Variants in GATB observed in about 807,000 individuals in gnomAD.
The protein encoded by GATB is glutamyl-tRNA(Gln) amidotransferase subunit B, mitochondrial.
Under a neutral mutation model 62.3 loss-of-function variants are expected in GATB, and 39 were observed. The observed-to-expected ratio is 0.63, with a 90% CI of 0.48 to 0.82. The LOEUF (loss-of-function observed/expected upper bound fraction) is 0.82, where lower values mean the gene tolerates loss of function less well. GATB is among the 40% of genes least tolerant of loss of function. The probability of loss-of-function intolerance (pLI) is 0.00; values close to 1 mark genes in which losing one functional copy is unlikely to be tolerated. For missense variants in GATB, 670 were observed against 684.0 expected, an observed-to-expected ratio of 0.98 and a Z score of 0.23; for synonymous variants, 276 against 258.9, an observed-to-expected ratio of 1.07 and a Z score of -0.63.
chr4:151,695,377 G>A (rs1373786401), intron 9 of GATB, among the ~76,000 whole-genome samples: 1 of 152,162 alleles, frequency 6.6e-6, no homozygotes, highest in South Asian at 2.1e-4. Context: ...CAAAGTGTCA[G>A]AGGTCAGATG....
chr4:151,705,149 C>T (rs376597368), intron 7 of GATB, 36 bp downstream of exon 7: 17 of 1,480,778 alleles, frequency 1.1e-5, no homozygotes, highest in East Asian at 6.8e-5. Flanking sequence ...GCACCACCCC[C>T]GGCTGTGGTC....
chr4:151,689,524 G>A (rs1459474049), intron 9 of GATB, among the ~76,000 whole-genome samples: 1 of 152,138 alleles, frequency 6.6e-6, no homozygotes, highest in Non-Finnish European at 1.5e-5. Context: ...TGAACTGTCA[G>A]CCCCACGAGT....
chr4:151,696,231 G>A (rs1738467767), intron 9 of GATB, among the ~76,000 whole-genome samples: 1 of 152,090 alleles, frequency 6.6e-6, no homozygotes, highest in Admixed American at 6.5e-5. Context: ...TTTCATTGGC[G>A]TTGACTGATT....
At chr4:151,727,504 A>T (rs1280087095) in intron 2 of GATB, among the ~76,000 whole-genome samples, 1 of 152,218 alleles carries the variant, frequency 6.6e-6, no homozygotes, top group Non-Finnish European at 1.5e-5. Context: ...GTAAAAGACA[A>T]GACTGGGTGT....
chr4:151,699,344 G>A lies in GATB; in HGVS notation c.1197+1985C>T, dbSNP rs150385481. ...GCAGAGGTTGCAGTGAGCTGAGATC[G>A]TGCCACTGCACTCCAGCCTGGGCGA... On this transcript the variant is annotated intron_variant, in intron 9 of 12. Coordinates refer to ENST00000263985, the MANE Select transcript of GATB (RefSeq NM_004564.3). Among the ~76,000 whole-genome samples the A allele has an allele frequency of 4.3e-3, 652 of 150,086 alleles. 13 individuals carry two copies. The East Asian group carries it at 0.077, about 18-fold the overall frequency.
At position 151,760,955 on chromosome 4, in the gene GATB, A is replaced by G. The variant is rs940439542; in HGVS notation, c.28T>C (p.Cys10Arg). Residue 10 changes from cysteine to arginine, a missense_variant, in exon 1 of 13, where the codon TGC (cysteine) becomes CGC (arginine). Transcript: ENST00000263985. Reference protein sequence around the residue: MAAPMLRWGCRGRRWAFARV... With the variant: MAAPMLRWGRRGRRWAFARV... The stretch of plus-strand genomic sequence containing the variant: ...GCGAAAGCCCAACGTCTTCCACGGC[A>G]GCCCCAGCGCAGCATGGGCGCCGCC... 2.2e-5 allele frequency: 36 copies of G among 1,613,010 alleles called. 1 individual carries two copies. In the African/African-American group the frequency reaches 2.3e-4, roughly 10 times the overall value.
intron 8 of GATB, 133 bp downstream of exon 8, chr4:151,703,718 C>A: frequency 2.7e-6 from 2 of 730,134 alleles, no homozygotes; most frequent in South Asian, 3.0e-5. Context: ...GTCTAGATGT[C>A]CCATCATGTT....
chr4:151,673,198 G>C, intron 11 of GATB: 1 of 232,162 alleles, frequency 4.3e-6, no homozygotes, highest in Non-Finnish European at 8.4e-6. Context: ...ACTCGGGCCA[G>C]CCAGATGCCC....
At chr4:151,709,701 T>A (rs1738780696) in intron 5 of GATB, among the ~76,000 whole-genome samples, 2 of 152,196 alleles carry the variant, frequency 1.3e-5, no homozygotes. Flanking sequence ...GCTTAGGTGA[T>A]AAGAGCACAT....
chr4:151,678,185 C>T (rs905390758), intron 11 of GATB, among the ~76,000 whole-genome samples: 1 of 152,194 alleles, frequency 6.6e-6, no homozygotes, highest in Non-Finnish European at 1.5e-5. Flanking sequence ...CCCTTCTAGC[C>T]AGGCTTGTAT....
chr4:151,671,448 G>T (rs561985365), intron 12 of GATB, 146 bp from the exon 13 acceptor site: 1 of 752,548 alleles, frequency 1.3e-6, no homozygotes, highest in African/African-American at 1.8e-5. Context: ...AGAAAAAGGG[G>T]AGGGGCCTCA....
chr4:151,716,055 C>G lies in GATB; in HGVS notation c.717G>C (p.Leu239=), dbSNP rs922252866. Residue 239 remains leucine (L), a synonymous_variant, in exon 5 of 13, where the codon CTG becomes CTC. Transcript: ENST00000263985. ...TCCCCAGGGCTTGAAGGATCAGCTG[C>G]AGCTCCCTGACAGCTGTTGCCGCCT... ...GEEAATAVRE[L]QLILQALGTS... is the part of the protein sequence containing the mutation. The G allele has an allele frequency of 1.2e-6, 2 of 1,613,820 alleles. No homozygotes were observed. Among genetic ancestry groups the G allele is most frequent in the African/African-American group, 2.7e-5 (2 of 74,894 alleles).
intron 2 of GATB, chr4:151,721,992 G>C: frequency 1.8e-6 from 1 of 566,912 alleles, no homozygotes; most frequent in Non-Finnish European, 3.1e-6. Context: ...TGATGATTTA[G>C]AAGCCATGAA....
intron 2 of GATB, among the ~76,000 whole-genome samples, chr4:151,755,991 A>G (rs904091026): frequency 1.3e-5 from 2 of 152,198 alleles, no homozygotes; most frequent in East Asian, 3.9e-4. Flanking sequence ...TAAAAAGATT[A>G]CTCAGGGGAA....
intron 2 of GATB, among the ~76,000 whole-genome samples, chr4:151,734,350 C>CA (rs201480862): frequency 0.019 from 2,472 of 132,540 alleles, 27 homozygotes; most frequent in African/African-American, 0.027. Flanking sequence ...AAATAGCTGC[C>CA]AAAAAAAAAA....
At chr4:151,682,086 G>A (rs966777601) in intron 10 of GATB, among the ~76,000 whole-genome samples, 3 of 152,142 alleles carry the variant, frequency 2.0e-5, no homozygotes, top group African/African-American at 2.4e-5. Flanking sequence ...AAATAACGTC[G>A]CCTTTGAGAA....
chr4:151,747,944 G>GA (rs1739635265), intron 2 of GATB, among the ~76,000 whole-genome samples: 1 of 151,906 alleles, frequency 6.6e-6, no homozygotes, highest in South Asian at 2.1e-4. Context: ...GCTACAAAAT[G>GA]AAAAAAATCA....
At chr4:151,672,307 C>T (rs1737889729) in intron 12 of GATB, among the ~76,000 whole-genome samples, 1 of 152,214 alleles carries the variant, frequency 6.6e-6, no homozygotes, top group African/African-American at 2.4e-5. Flanking sequence ...CTTTTCCCTT[C>T]TGCCTTTCTT....
At chr4:151,689,803 C>CA (rs756104755) in intron 9 of GATB, among the ~76,000 whole-genome samples, 3 of 152,262 alleles carry the variant, frequency 2.0e-5, no homozygotes, top group Non-Finnish European at 2.9e-5. Context: ...CACAACTATG[C>CA]ATACGACCAG....
Sources: allele counts gnomAD v4.1 joint callset (sites outside exome capture counted in the v4.1 genomes callset), GRCh38; gene constraint gnomAD v4.1.1; transcripts MANE v1.5; gene names NCBI Gene and HGNC (gene_info 2026-07-23, HGNC 2026-07-21).